Variants in TDRD1 observed in about 807,000 individuals in gnomAD.
The protein encoded by TDRD1 is tudor domain containing 1, also known as tudor domain-containing protein 1.
In TDRD1, 37 loss-of-function variants were observed where a neutral mutation model predicts 140.6. That is an observed-to-expected ratio of 0.26 (90% CI 0.20 to 0.35). The LOEUF is 0.35. Ranked by LOEUF, TDRD1 falls within the 10% of genes least tolerant of loss-of-function variation. The probability of loss-of-function intolerance (pLI) is 1.00; values close to 1 mark genes in which losing one functional copy is unlikely to be tolerated. For synonymous variants in TDRD1, 506 were observed against 475.7 expected (o/e 1.06, Z -0.83); for missense variants, 1,243 against 1,393.0 (o/e 0.89, Z 1.71).
At chr10:114,193,540 C>T (rs1156775431) in intron 3 of TDRD1, among the ~76,000 whole-genome samples, 3 of 152,170 alleles carry the variant, frequency 2.0e-5, no homozygotes, top group East Asian at 3.8e-4. Context: ...GTCATCCACC[C>T]GCCTTGGCCT....
chr10:114,211,359 TG>T (rs1337402845), intron 13 of TDRD1, among the ~76,000 whole-genome samples: 1 of 152,200 alleles, frequency 6.6e-6, no homozygotes, highest in East Asian at 1.9e-4. Context: ...GGAGCTGTCA[TG>T]GTGCAGCTTT....
At chr10:114,232,386 A>G (rs1047010485), downstream of TDRD1, 4 of 151,862 alleles carry the variant, frequency 2.6e-5, no homozygotes, top group Non-Finnish European at 4.4e-5. Context: ...ACGCATATGC[A>G]GAATTATGGG....
intron 3 of TDRD1, among the ~76,000 whole-genome samples, chr10:114,191,312 C>T (rs569903764): frequency 1.3e-5 from 2 of 152,292 alleles, no homozygotes; most frequent in African/African-American, 2.4e-5. Context: ...AGATACGGAA[C>T]ATTTCCATCA....
intron 3 of TDRD1, among the ~76,000 whole-genome samples, chr10:114,194,923 C>CT (rs34458557): frequency 0.12 from 15,831 of 132,352 alleles, 1,352 homozygotes; most frequent in East Asian, 0.42. Flanking sequence ...CCACACCTGG[C>CT]TTTTTTTTTT....
chr10:114,218,281 G>T (rs1444527105), intron 17 of TDRD1, 133 bp from the exon 18 acceptor site: 8 of 564,388 alleles, frequency 1.4e-5, no homozygotes, highest in Admixed American at 3.4e-5. Flanking sequence ...TTTGAAAAAT[G>T]AAAGGCGTGA....
chr10:114,200,538 C>T (rs553096687), intron 4 of TDRD1, among the ~76,000 whole-genome samples: 7 of 152,208 alleles, frequency 4.6e-5, no homozygotes, highest in South Asian at 4.2e-4. Flanking sequence ...CCATTTCAGT[C>T]GCTTGTACAA....
intron 8 of TDRD1, 102 bp from the exon 9 acceptor site, chr10:114,203,971 G>A: frequency 2.9e-6 from 4 of 1,397,902 alleles, no homozygotes; most frequent in Middle Eastern, 2.6e-4. Context: ...CCTCAGAACA[G>A]GAGCCTTTCC....
At chr10:114,222,681 C>T (rs767859168) in exon 21 of TDRD1, 16 of 1,604,796 alleles carry the variant, frequency 1.0e-5, no homozygotes, top group African/African-American at 1.3e-5. Context: ...GAATTGGAGA[C>T]GCATGCTGTG....
chr10:114,220,589 A>G, exon 19 of TDRD1: 2 of 1,613,034 alleles, frequency 1.2e-6, no homozygotes, highest in Non-Finnish European at 1.7e-6. Flanking sequence ...AGAAACAAAC[A>G]TTGGTCTGAA....
At chr10:114,183,762 G>A (rs933548473) in intron 1 of TDRD1, among the ~76,000 whole-genome samples, 7 of 147,348 alleles carry the variant, frequency 4.8e-5, no homozygotes, top group South Asian at 2.1e-4. Context: ...GTGCAGTGGC[G>A]CAATTTTGGC....
rs374705067 is a variant in TDRD1 at position 114,196,592 on chromosome 10, G to A, written c.385-2581G>A. ...CACCTCCTCCTTTCCCACTTTCAGAGTCACCTTATGTTTGTTTTATATATA... is the reference window on the plus strand; with the variant it reads ...CACCTCCTCCTTTCCCACTTTCAGAATCACCTTATGTTTGTTTTATATATA... On this transcript the variant is annotated intron_variant, in intron 3 of 25. Coordinates refer to ENST00000251864, the Ensembl canonical transcript of TDRD1. Among the ~76,000 whole-genome samples, 5 of 151,966 alleles carry A rather than the reference G, an allele frequency of 3.3e-5. No individual in the cohort carries two copies. The South Asian group carries it at 1.0e-3, about 32-fold the overall frequency.
upstream of TDRD1, among the ~76,000 whole-genome samples, chr10:114,178,124 T>C (rs1318028323): frequency 6.6e-6 from 1 of 152,198 alleles, no homozygotes; most frequent in Admixed American, 6.5e-5. Context: ...ATTACAGGCA[T>C]GAGCCCCCAC....
At chr10:114,177,358 A>G (rs944564704), upstream of TDRD1, among the ~76,000 whole-genome samples, 22 of 152,350 alleles carry the variant, frequency 1.4e-4, no homozygotes, top group African/African-American at 5.3e-4. Flanking sequence ...TCCTACATCA[A>G]TTGTCATAAT....
chr10:114,203,414 A>G, exon 8 of TDRD1: 4 of 1,610,824 alleles, frequency 2.5e-6, no homozygotes, highest in East Asian at 2.2e-5. Context: ...TCAAACACCC[A>G]GGGGACTTCT....
At chr10:114,198,628 T>TA (rs375555773) in intron 3 of TDRD1, among the ~76,000 whole-genome samples, 1 of 78 alleles carries the variant, frequency 0.013, no homozygotes, top group African/African-American at 0.05. Context: ...ATCCTTTGGC[T>TA]AGCAGAGCAG....
chr10:114,193,982 G>A (rs562222015), intron 3 of TDRD1, among the ~76,000 whole-genome samples: 1 of 152,292 alleles, frequency 6.6e-6, no homozygotes, highest in South Asian at 2.1e-4. Flanking sequence ...CCTTTAGTGT[G>A]TTAATTTGGT....
chr10:114,205,969 C>A (rs2035072948), intron 10 of TDRD1, among the ~76,000 whole-genome samples: 1 of 152,074 alleles, frequency 6.6e-6, no homozygotes, highest in African/African-American at 2.4e-5. Flanking sequence ...CTCATGTAAC[C>A]TATAAATATG....
chr10:114,204,740 G>A (rs767364048), exon 10 of TDRD1: 2 of 1,590,966 alleles, frequency 1.3e-6, no homozygotes, highest in Non-Finnish European at 1.7e-6. Context: ...GTGCTTTGTA[G>A]CCAATGTTAT....
chr10:114,184,820 A>C (rs1024052439), intron 1 of TDRD1, among the ~76,000 whole-genome samples: 32 of 152,140 alleles, frequency 2.1e-4, no homozygotes, highest in African/African-American at 7.7e-4. Context: ...GAAACTCTTC[A>C]CCTGTGGCTA....
Sources: allele counts gnomAD v4.1 joint callset (sites outside exome capture counted in the v4.1 genomes callset), GRCh38; gene constraint gnomAD v4.1.1; transcripts MANE v1.5; gene names NCBI Gene and HGNC (gene_info 2026-07-23, HGNC 2026-07-21).